SGCD: variants seen among roughly 807,000 people sequenced by gnomAD.
The protein encoded by SGCD is sarcoglycan delta, also known as delta-sarcoglycan.
SGCD carries 18 observed loss-of-function variants against 36.6 expected under a neutral mutation model. The observed-to-expected ratio is 0.49, with a 90% CI of 0.34 to 0.73. The LOEUF is 0.73. SGCD is among the 30% of genes least tolerant of loss of function. The pLI, the probability that SGCD is intolerant of heterozygous loss-of-function variation, is 0.01. For synonymous variants in SGCD, 133 were observed against 130.6 expected, an observed-to-expected ratio of 1.02 and a Z score of -0.12; for missense variants, 387 against 346.7, an observed-to-expected ratio of 1.12 and a Z score of -0.92.
chr5:155,944,406 G>A (rs1483646832), intron 1 of SGCD, among the ~76,000 whole-genome samples: 1 of 152,114 alleles, frequency 6.6e-6, no homozygotes, highest in African/African-American at 2.4e-5. Context: ...GCATTTATCT[G>A]TATACACACG....
rs775105370 is a variant in SGCD at position 156,508,741 on chromosome 5, C to T, written c.294+39C>T. On this transcript the variant is annotated intron_variant, in intron 4 of 8. Coordinates refer to ENST00000337851, the MANE Select transcript of SGCD (RefSeq NM_000337.6). ...GAGAGAAGGAGGCATTATTGTTGCT[C>T]TAGAATCTAAATCTGGAGGAATTGA... The T allele has an allele frequency of 2.5e-6, 3 of 1,213,262 alleles. No individual in the cohort carries two copies. In the Admixed American group the frequency reaches 5.8e-5, roughly 23 times the overall value. 75.2% of individuals were successfully genotyped at this position (1,213,262 alleles called of 1,614,324 possible). A position where few individuals can be genotyped will look rare whatever the true frequency, so the allele number is the denominator to read the frequency against.
rs1757457743 is a variant in SGCD, at chr5:156,759,443, A to AGAC, written c.*54_*56dup. On this transcript the variant is annotated 3_prime_UTR_variant, in exon 9 of 9. Transcript: ENST00000337851. The stretch of plus-strand genomic sequence containing the variant: ...CAGCATAAAGGCCTTTTTTGGCTTT[A>AGAC]GACACTGGCTGCCAGCTATTTTTAC... 7 of 1,314,924 alleles carry AGAC rather than the reference A, an allele frequency of 5.3e-6. No homozygotes were observed. The South Asian group carries it at 9.9e-5, about 19-fold the overall frequency. The allele number at this position is 1,314,924 out of a possible 1,614,324, so 81.5% of individuals were successfully genotyped here. A position where few individuals can be genotyped will look rare whatever the true frequency, so the allele number is the denominator to read the frequency against.
chr5:156,247,041 C>T (rs1346259526), intron 3 of SGCD, among the ~76,000 whole-genome samples: 4 of 152,166 alleles, frequency 2.6e-5, no homozygotes, highest in Non-Finnish European at 4.4e-5. Context: ...TCATTTGCAG[C>T]GCTTCTTGAG....
At chr5:156,356,373 C>T (rs1769491123) in intron 3 of SGCD, among the ~76,000 whole-genome samples, 1 of 152,160 alleles carries the variant, frequency 6.6e-6, no homozygotes, top group South Asian at 2.1e-4. Flanking sequence ...CAGCTGGAAC[C>T]TCAGCTGGCC....
intron 7 of SGCD, among the ~76,000 whole-genome samples, chr5:156,750,407 C>T (rs916660257): frequency 6.6e-6 from 1 of 152,044 alleles, no homozygotes; most frequent in East Asian, 1.9e-4. Flanking sequence ...AAATGACAGT[C>T]GCGCGCAGTG....
chr5:155,984,464 C>T (rs112228367), intron 1 of SGCD, among the ~76,000 whole-genome samples: 8 of 152,218 alleles, frequency 5.3e-5, no homozygotes, highest in Non-Finnish European at 8.8e-5. Flanking sequence ...TGTACATGAC[C>T]GTTTCTATAA....
chr5:155,762,297 GA>G, the SGCD span, among the ~76,000 whole-genome samples: 1 of 151,954 alleles, frequency 6.6e-6, no homozygotes, highest in Admixed American at 6.6e-5. Flanking sequence ...TTATCTATCT[GA>G]AAAAAAGACA....
chr5:156,596,840 C>G (rs6872066), intron 6 of SGCD, among the ~76,000 whole-genome samples: 1 of 151,986 alleles, frequency 6.6e-6, no homozygotes, highest in Admixed American at 6.6e-5. Context: ...CGCATATGTA[C>G]ATGTGTGCAT....
chr5:156,039,177 T>C (rs1200796965), intron 1 of SGCD, among the ~76,000 whole-genome samples: 2 of 151,640 alleles, frequency 1.3e-5, no homozygotes, highest in African/African-American at 2.4e-5. Context: ...AATAAGACCA[T>C]TTAGTTTTTG....
chr5:156,298,576 C>CTTTTTTTTTTTTTTTTT (rs924228753), intron 3 of SGCD, among the ~76,000 whole-genome samples: 1 of 110,520 alleles, frequency 9.0e-6, no homozygotes. Flanking sequence ...TTTTTCTTTT[C>CTTTTTTTTTTTTTTTTT]TTTTTTTTTT....
chr5:156,145,239 C>T (rs1022266445), intron 3 of SGCD, among the ~76,000 whole-genome samples: 1 of 152,180 alleles, frequency 6.6e-6, no homozygotes, highest in African/African-American at 2.4e-5. Context: ...CACCTCCTTT[C>T]TCTTTCATTT....
intron 1 of SGCD, among the ~76,000 whole-genome samples, chr5:155,904,411 T>A (rs892647215): frequency 1.3e-5 from 2 of 152,232 alleles, no homozygotes; most frequent in Admixed American, 6.5e-5. Context: ...CAGTGATATT[T>A]AGTACATTCA....
intron 7 of SGCD, among the ~76,000 whole-genome samples, chr5:156,679,889 G>A (rs1306041961): frequency 9.9e-5 from 15 of 152,056 alleles, no homozygotes; most frequent in East Asian, 1.9e-4. Flanking sequence ...ATAGACTAAT[G>A]CCTCAGGATT....
At position 156,354,483 on chromosome 5, in the gene SGCD, T is replaced by G. The variant is rs539200351; in HGVS notation, c.192+9806T>G. 3.7e-4 allele frequency among the ~76,000 whole-genome samples: 57 copies of G among 152,346 alleles called. No homozygotes were observed. In the South Asian group the frequency reaches 4.1e-3, roughly 11 times the overall value. ...AACTGAAAAGCTTGAATTCCAATTA[T>G]AAAGAAATTACTGTGCAACTTTATC... is the stretch of plus-strand genomic sequence containing the variant. On this transcript the variant is annotated intron_variant, in intron 3 of 8. Coordinates refer to ENST00000337851, the MANE Select transcript of SGCD (RefSeq NM_000337.6).
intron 7 of SGCD, among the ~76,000 whole-genome samples, chr5:156,748,066 GAAC>G (rs1301303761): frequency 6.6e-6 from 1 of 152,052 alleles, no homozygotes; most frequent in African/African-American, 2.4e-5. Flanking sequence ...TAAAAAGAAT[GAAC>G]AACTGATGAA....
At chr5:155,802,422 T>C in the SGCD span, among the ~76,000 whole-genome samples, 1 of 152,232 alleles carries the variant, frequency 6.6e-6, no homozygotes, top group Non-Finnish European at 1.5e-5. Flanking sequence ...ATTCTACCTA[T>C]ATTCTATGTA....
Position 155,885,173 on chromosome 5 carries a change from T to C in SGCD, c.-282+14749T>C, listed in dbSNP as rs1267065059. 5.1e-5 allele frequency among the ~76,000 whole-genome samples: 6 copies of C among 116,856 alleles called. No individual in the cohort carries two copies. In the East Asian group the frequency reaches 1.3e-3, roughly 25 times the overall value. The allele number at this position is 116,856 out of a possible 152,430, so 76.7% of individuals were successfully genotyped here. A position where few individuals can be genotyped will look rare whatever the true frequency, so the allele number is the denominator to read the frequency against. ...ATGGTATATGTTCACTTTTTGGTCA[T>C]TCAGTAAACAGCCAATAATTCCTTA... On this transcript the variant is annotated intron_variant, in intron 1 of 9. Coordinates refer to the SGCD transcript ENST00000517913.
At chr5:156,582,551 T>C (rs975214254) in intron 4 of SGCD, among the ~76,000 whole-genome samples, 11 of 152,192 alleles carry the variant, frequency 7.2e-5, no homozygotes, top group Non-Finnish European at 1.2e-4. Flanking sequence ...TTGGGTTGGA[T>C]ATTGAGGAAG....
At chr5:156,501,782 G>T (rs553214624) in intron 3 of SGCD, among the ~76,000 whole-genome samples, 1 of 152,292 alleles carries the variant, frequency 6.6e-6, no homozygotes, top group East Asian at 1.9e-4. Flanking sequence ...GCGATGAGCA[G>T]GGCTTTCAGA....
Sources: gnomAD v4.1 joint callset for allele counts (sites outside exome capture counted in the v4.1 genomes callset) on GRCh38, gnomAD v4.1.1 for gene constraint, MANE v1.5 for transcripts, NCBI Gene and HGNC (gene_info 2026-07-23, HGNC 2026-07-21) for gene names.